Variants in BPTF observed in about 807,000 individuals in gnomAD.
BPTF encodes bromodomain PHD finger transcription factor.
BPTF carries 18 observed loss-of-function variants against 292.5 expected under a neutral mutation model. That is an observed-to-expected ratio of 0.06 (90% CI 0.04 to 0.09). BPTF has a LOEUF of 0.09. Ranked by LOEUF, BPTF falls within the 10% of genes least tolerant of loss-of-function variation. BPTF has a pLI of 1.00. For missense variants in BPTF, 2,726 were observed against 3,498.7 expected (o/e 0.78, Z 5.57); for synonymous variants, 1,225 against 1,251.9 (o/e 0.98, Z 0.45).
chr17:67,947,450 A>G (rs1555676042), intron 21 of BPTF, among the ~76,000 whole-genome samples: 1 of 152,172 alleles, frequency 6.6e-6, no homozygotes, highest in Non-Finnish European at 1.5e-5. Context: ...TAATTTCTTT[A>G]TGTCTCAGTA....
chr17:67,917,658 G>A (rs1379105731), intron 11 of BPTF, among the ~76,000 whole-genome samples: 4 of 151,672 alleles, frequency 2.6e-5, no homozygotes, highest in Non-Finnish European at 5.9e-5. Flanking sequence ...TAGAGACAGA[G>A]TTTCACTCTT....
chr17:67,846,199 A>T (rs1458387560), intron 1 of BPTF, among the ~76,000 whole-genome samples: 3 of 152,192 alleles, frequency 2.0e-5, no homozygotes, highest in Non-Finnish European at 4.4e-5. Context: ...GAAAAGTTTT[A>T]AAAATATAGG....
At chr17:67,918,064 G>A (rs1429630095) in intron 11 of BPTF, among the ~76,000 whole-genome samples, 1 of 152,054 alleles carries the variant, frequency 6.6e-6, no homozygotes, top group Non-Finnish European at 1.5e-5. Flanking sequence ...CTCCCAAAGT[G>A]CTGGGATTAC....
At chr17:67,970,223 T>C (rs2068613199) in intron 26 of BPTF, among the ~76,000 whole-genome samples, 1 of 145,082 alleles carries the variant, frequency 6.9e-6, no homozygotes, top group Non-Finnish European at 1.5e-5. Flanking sequence ...GCAGCAAGAG[T>C]GAAACTCCAT....
chr17:67,979,823 C>G (rs1212575903), intron 27 of BPTF, among the ~76,000 whole-genome samples: 1 of 151,444 alleles, frequency 6.6e-6, no homozygotes, highest in Non-Finnish European at 1.5e-5. Context: ...GGCGGATCAC[C>G]TAAGGTCAGG....
intron 3 of BPTF, 84 bp downstream of exon 3, chr17:67,866,771 A>G (rs1567935421): frequency 9.0e-7 from 1 of 1,114,090 alleles, no homozygotes; most frequent in Non-Finnish European, 1.3e-6. Context: ...TTGAAAATAG[A>G]TTAAAATTTT....
At chr17:67,881,505 T>C (rs1259582384) in intron 4 of BPTF, among the ~76,000 whole-genome samples, 1 of 144,610 alleles carries the variant, frequency 6.9e-6, no homozygotes, top group African/African-American at 2.5e-5. Context: ...TTTTTTTTTT[T>C]TTTTTTTTTT....
chr17:67,920,164 C>G, intron 13 of BPTF, 21 bp downstream of exon 13: 1 of 1,600,034 alleles, frequency 6.2e-7, no homozygotes, highest in South Asian at 1.1e-5. Flanking sequence ...GAATTCTATT[C>G]TTTCATGATT....
intron 23 of BPTF, among the ~76,000 whole-genome samples, chr17:67,950,065 A>AC (rs2066184915): frequency 1.3e-5 from 2 of 150,626 alleles, no homozygotes; most frequent in African/African-American, 2.4e-5. Context: ...AAAAAAAAAA[A>AC]AAAAAAACAT....
intron 24 of BPTF, among the ~76,000 whole-genome samples, chr17:67,961,376 G>A (rs567512463): frequency 2.0e-5 from 3 of 152,152 alleles, no homozygotes; most frequent in South Asian, 2.1e-4. Context: ...GGAGTGTTTC[G>A]TAATCTCTTG....
At chr17:67,884,783 A>G (rs562373143) in intron 4 of BPTF, among the ~76,000 whole-genome samples, 1 of 151,958 alleles carries the variant, frequency 6.6e-6, no homozygotes, top group East Asian at 1.9e-4. Context: ...AGCTAGCTCT[A>G]TAGATAAGTA....
chr17:67,930,921 C>T (rs1273036105), intron 17 of BPTF, among the ~76,000 whole-genome samples: 3 of 151,290 alleles, frequency 2.0e-5, no homozygotes, highest in Admixed American at 2.0e-4. Flanking sequence ...TGCCACTGCA[C>T]TGCAGTCTAA....
Position 67,825,755 on chromosome 17 carries a change from C to G in BPTF, c.31C>G (p.Gln11Glu), listed in dbSNP as rs1193959067. 9.6e-7 allele frequency: 1 copy of G among 1,046,586 alleles called. No homozygotes were observed. Among genetic ancestry groups the G allele is most frequent in the South Asian group, 4.4e-5 (1 of 22,854 alleles). The allele number at this position is 1,046,586 out of a possible 1,614,324, so 64.8% of individuals were successfully genotyped here. A position where few individuals can be genotyped will look rare whatever the true frequency, so the allele number is the denominator to read the frequency against. Residue 11 changes from glutamine to glutamate, a missense_variant, in exon 1 of 28, where the codon CAG (glutamine) becomes GAG (glutamate). Physicochemically the swap from Gln to Glu is conservative, Grantham distance 29. Transcript: ENST00000306378. ...GGGCCGGCGGGGCAGGCCGCCCAAG[C>G]AGCCCGCGGCTCCCGCTGCGGAGCG... Reference protein sequence around the residue: MRGRRGRPPKQPAAPAAERCA... With the variant: MRGRRGRPPKEPAAPAAERCA...
rs542037857 is a variant in BPTF at position 67,882,044 on chromosome 17, AG to A, written c.1864+7026del. On this transcript the variant is annotated intron_variant, in intron 4 of 27. Coordinates refer to ENST00000306378, the MANE Select transcript of BPTF (RefSeq NM_182641.4). ...GAGACAGGATTTCGCCATGTTGGCC[AG>A]GCTGGTCTCGAACTCCTGACCTCAG... Among the ~76,000 whole-genome samples, 328 of 152,024 alleles carry A rather than the reference AG, an allele frequency of 2.2e-3. 2 individuals are homozygous for A. The highest frequency in any genetic ancestry group is 7.6e-3 in the African/African-American group (315 of 41,484).
At chr17:67,918,432 A>T (rs2063201398) in intron 11 of BPTF, among the ~76,000 whole-genome samples, 1 of 152,196 alleles carries the variant, frequency 6.6e-6, no homozygotes, top group African/African-American at 2.4e-5. Flanking sequence ...TTGCCTTATC[A>T]ACCTTACAAT....
In BPTF at chr17:67,940,089, T is replaced by A. The variant is rs1247989896; in HGVS notation, c.6260-350T>A. Among the ~76,000 whole-genome samples, 3 of 152,214 alleles carry A rather than the reference T, an allele frequency of 2.0e-5. No individual in the cohort carries two copies. In the East Asian group the frequency reaches 5.8e-4, roughly 29 times the overall value. On this transcript the variant is annotated intron_variant, in intron 18 of 27. Transcript: ENST00000306378. ...ATTAAATTAGCACTTATTTTTAATA[T>A]TATATTCCTAAGAAAAGGCAGCCTT...
intron 14 of BPTF, among the ~76,000 whole-genome samples, chr17:67,923,710 C>T (rs2063630800): frequency 6.7e-6 from 1 of 149,714 alleles, no homozygotes; most frequent in Admixed American, 6.7e-5. Context: ...GAACTCCTGA[C>T]CTTGGGTAAT....
At chr17:67,875,800 A>G (rs1158953752) in intron 4 of BPTF, 2 of 1,339,328 alleles carry the variant, frequency 1.5e-6, no homozygotes, top group East Asian at 2.8e-5. Flanking sequence ...TCCCTTTTGT[A>G]GTAAAAGCCG....
chr17:67,882,069 A>G (rs569318389), intron 4 of BPTF, among the ~76,000 whole-genome samples: 80 of 151,852 alleles, frequency 5.3e-4, no homozygotes, highest in African/African-American at 1.9e-3. Flanking sequence ...TCCTGACCTC[A>G]GGTGATCCGC....
Sources: allele counts gnomAD v4.1 joint callset (sites outside exome capture counted in the v4.1 genomes callset), GRCh38; gene constraint gnomAD v4.1.1; transcripts MANE v1.5; gene names NCBI Gene and HGNC (gene_info 2026-07-23, HGNC 2026-07-21).